The following CTNND2 variants were observed in gnomAD, a reference collection of about 807,000 sequenced individuals.
The protein encoded by CTNND2 is catenin delta 2.
CTNND2 carries 22 observed loss-of-function variants against 144.4 expected under a neutral mutation model. The observed-to-expected ratio is 0.15, with a 90% CI of 0.11 to 0.22. CTNND2 has a LOEUF of 0.22. CTNND2 is among the 10% of genes least tolerant of loss of function. CTNND2 has a pLI of 1.00. For missense variants in CTNND2, 1,353 were observed against 1,618.8 expected (o/e 0.84, Z 2.82); for synonymous variants, 751 against 695.6 (o/e 1.08, Z -1.25).
chr5:11,590,550 C>T (rs968776031), intron 2 of CTNND2, among the ~76,000 whole-genome samples: 2 of 151,970 alleles, frequency 1.3e-5, no homozygotes, highest in Non-Finnish European at 2.9e-5. Context: ...GATATTCCCC[C>T]GTCCTTGTGA....
At chr5:11,119,592 T>C (rs1753880585) in intron 12 of CTNND2, among the ~76,000 whole-genome samples, 2 of 152,234 alleles carry the variant, frequency 1.3e-5, no homozygotes, top group Non-Finnish European at 2.9e-5. Context: ...AATGGCCCTT[T>C]TAAAGGAGCA....
chr5:11,295,964 A>G (rs937282084), intron 9 of CTNND2, among the ~76,000 whole-genome samples: 5 of 152,110 alleles, frequency 3.3e-5, no homozygotes, highest in African/African-American at 1.2e-4. Context: ...AATGGCAACA[A>G]AAGCCAAAAT....
At chr5:11,594,608 G>T (rs935284480) in intron 2 of CTNND2, among the ~76,000 whole-genome samples, 7 of 152,092 alleles carry the variant, frequency 4.6e-5, no homozygotes, top group African/African-American at 1.7e-4. Flanking sequence ...ATTTGCTGTG[G>T]TATCATTAAC....
At chr5:11,588,135 T>G (rs1778995998) in intron 2 of CTNND2, among the ~76,000 whole-genome samples, 1 of 152,142 alleles carries the variant, frequency 6.6e-6, no homozygotes, top group Non-Finnish European at 1.5e-5. Flanking sequence ...TAGTATAAAC[T>G]TATCACTGAG....
At chr5:11,433,425 T>G (rs2149878436) in intron 3 of CTNND2, among the ~76,000 whole-genome samples, 1 of 152,326 alleles carries the variant, frequency 6.6e-6, no homozygotes, top group Middle Eastern at 3.4e-3. Context: ...AAGGCTGTTG[T>G]ATCAGGCTAT....
At chr5:11,841,746 C>T (rs1272851259) in intron 1 of CTNND2, among the ~76,000 whole-genome samples, 11 of 151,870 alleles carry the variant, frequency 7.2e-5, no homozygotes, top group African/African-American at 2.4e-4. Flanking sequence ...AAATGAGGAA[C>T]TGGACTATAA....
intron 7 of CTNND2, among the ~76,000 whole-genome samples, chr5:11,383,946 A>G (rs542514003): frequency 1.3e-5 from 2 of 152,108 alleles, no homozygotes; most frequent in Non-Finnish European, 2.9e-5. Context: ...CCTCCTCTAA[A>G]CTGGGAGAGG....
At chr5:11,214,056 G>C (rs1738922339) in intron 10 of CTNND2, among the ~76,000 whole-genome samples, 1 of 152,032 alleles carries the variant, frequency 6.6e-6, no homozygotes, top group Admixed American at 6.5e-5. Flanking sequence ...CTGCCTGTAG[G>C]TACTCTCCTT....
At chr5:11,563,970 G>A (rs1776874774) in intron 3 of CTNND2, among the ~76,000 whole-genome samples, 1 of 152,154 alleles carries the variant, frequency 6.6e-6, no homozygotes, top group South Asian at 2.1e-4. Flanking sequence ...CACTTCCATC[G>A]ATGAGAGGTC....
chr5:11,591,404 A>ACTAGC (rs1481375019), intron 2 of CTNND2, among the ~76,000 whole-genome samples: 1 of 152,146 alleles, frequency 6.6e-6, no homozygotes, highest in Non-Finnish European at 1.5e-5. Flanking sequence ...ATAACAACCC[A>ACTAGC]TACATTAGCT....
chr5:11,455,722 G>C (rs914337353), intron 3 of CTNND2, among the ~76,000 whole-genome samples: 1 of 152,136 alleles, frequency 6.6e-6, no homozygotes, highest in Admixed American at 6.5e-5. Context: ...GGAGAGAAAA[G>C]AAGTGGATGA....
Position 11,637,038 on chromosome 5 carries a change from G to T in CTNND2, c.175-71982C>A, listed in dbSNP as rs191713814. Among the ~76,000 whole-genome samples the T allele has an allele frequency of 2.2e-4, 33 of 152,214 alleles. 1 individual carries two copies. The South Asian group carries it at 2.5e-3, about 11-fold the overall frequency. ...AAGGAGTTATTACCTCAAGTAGATG[G>T]CAATTTCAGAATGGCAATTATAATT... is the stretch of plus-strand genomic sequence containing the variant. On this transcript the variant is annotated intron_variant, in intron 2 of 21. Coordinates refer to ENST00000304623, the MANE Select transcript of CTNND2 (RefSeq NM_001332.4).
At chr5:11,710,809 G>C (rs2126692088) in intron 2 of CTNND2, among the ~76,000 whole-genome samples, 1 of 152,302 alleles carries the variant, frequency 6.6e-6, no homozygotes, top group East Asian at 1.9e-4. Flanking sequence ...AGGGAGGTTA[G>C]GGTTGAGTTT....
chr5:11,542,674 T>C (rs369794293), intron 3 of CTNND2, among the ~76,000 whole-genome samples: 2 of 152,238 alleles, frequency 1.3e-5, no homozygotes, highest in Non-Finnish European at 2.9e-5. Context: ...GAAAAGGTCA[T>C]TATACACTCT....
chr5:11,716,188 C>T (rs554861513), intron 2 of CTNND2, among the ~76,000 whole-genome samples: 2 of 152,282 alleles, frequency 1.3e-5, no homozygotes, highest in East Asian at 3.9e-4. Flanking sequence ...CTTCCGGATT[C>T]CTTTATACCA....
chr5:11,500,544 A>G (rs1335380880), intron 3 of CTNND2, among the ~76,000 whole-genome samples: 1 of 152,218 alleles, frequency 6.6e-6, no homozygotes, highest in Non-Finnish European at 1.5e-5. Flanking sequence ...AATAAAAACA[A>G]ACTAACAACA....
At chr5:11,127,961 C>T (rs1754847651) in intron 12 of CTNND2, among the ~76,000 whole-genome samples, 1 of 151,286 alleles carries the variant, frequency 6.6e-6, no homozygotes, top group African/African-American at 2.4e-5. Context: ...GGCCAGAGAA[C>T]AGCCCCTCCA....
intron 11 of CTNND2, among the ~76,000 whole-genome samples, chr5:11,194,251 A>G (rs971435031): frequency 3.3e-5 from 5 of 152,172 alleles, no homozygotes; most frequent in African/African-American, 7.2e-5. Flanking sequence ...AAGAGATGGC[A>G]GGCACCTGGG....
intron 12 of CTNND2, among the ~76,000 whole-genome samples, chr5:11,120,377 C>A (rs1753972700): frequency 2.0e-5 from 3 of 151,368 alleles, no homozygotes. Flanking sequence ...ATTATACTGT[C>A]TGCAGGCATG....
Sources: gnomAD v4.1 joint callset for allele counts (sites outside exome capture counted in the v4.1 genomes callset) on GRCh38, gnomAD v4.1.1 for gene constraint, MANE v1.5 for transcripts, NCBI Gene and HGNC (gene_info 2026-07-23, HGNC 2026-07-21) for gene names.